Variants in VGLL3 observed in about 807,000 individuals in gnomAD.
VGLL3 encodes the protein transcription cofactor vestigial-like protein 3.
A neutral mutation model predicts 29.2 loss-of-function variants in VGLL3; 18 were observed. The ratio of observed to expected loss-of-function variants is 0.62; its 90% CI spans 0.43 to 0.91. The LOEUF (loss-of-function observed/expected upper bound fraction) is 0.91. Ranked by LOEUF, VGLL3 falls within the 40% of genes least tolerant of loss-of-function variation. The pLI, the probability that VGLL3 is intolerant of heterozygous loss-of-function variation, is 0.00. For missense variants in VGLL3, 440 were observed against 413.2 expected, an observed-to-expected ratio of 1.06 and a Z score of -0.56; for synonymous variants, 180 against 151.8, an observed-to-expected ratio of 1.19 and a Z score of -1.36.
At chr3:86,982,543 G>A (rs6762893) in intron 1 of VGLL3, among the ~76,000 whole-genome samples, 13,197 of 151,422 alleles carry the variant, frequency 0.087, 1,553 homozygotes, top group African/African-American at 0.27. Flanking sequence ...AAATTTTCCT[G>A]GTGTTACATT....
intron 1 of VGLL3, among the ~76,000 whole-genome samples, chr3:86,980,628 G>A (rs1247651478): frequency 6.6e-6 from 1 of 152,072 alleles, no homozygotes; most frequent in African/African-American, 2.4e-5. Context: ...CATATGGTAT[G>A]TGTAAAATGA....
chr3:86,953,854 G>A (rs1704662978), intron 3 of VGLL3, among the ~76,000 whole-genome samples: 1 of 152,048 alleles, frequency 6.6e-6, no homozygotes, highest in Non-Finnish European at 1.5e-5. Flanking sequence ...TTGCTAGTTT[G>A]ATGACTTCTC....
At position 86,941,447 on chromosome 3, in the gene VGLL3, TTG is replaced by T. The variant is rs2106943112; in HGVS notation, c.*5575_*5576del. Reference sequence around the variant, plus strand: ...TATGCCAAATTTAGTAGTCTAGAAATTGTTTTTTTTTTTAAAAAAACAAATTG... The same window carrying T: ...TATGCCAAATTTAGTAGTCTAGAAATTTTTTTTTTTTAAAAAAACAAATTG... On this transcript the variant is annotated 3_prime_UTR_variant, in exon 4 of 4. Transcript: ENST00000398399. 3 of 152,228 alleles carry T rather than the reference TTG, an allele frequency of 2.0e-5. No homozygotes were observed. The highest frequency in any genetic ancestry group is 7.2e-5 in the African/African-American group (3 of 41,500). 9.4% of individuals were successfully genotyped at this position (152,228 alleles called of 1,614,324 possible). A position where few individuals can be genotyped will look rare whatever the true frequency, so the allele number is the denominator to read the frequency against.
chr3:86,987,437 A>G (rs933301554), intron 1 of VGLL3, among the ~76,000 whole-genome samples: 4 of 152,180 alleles, frequency 2.6e-5, no homozygotes, highest in Non-Finnish European at 5.9e-5. Context: ...TATGAAGCCC[A>G]AAGTGTGATT....
intron 3 of VGLL3, among the ~76,000 whole-genome samples, chr3:86,949,842 A>C (rs1043147646): frequency 8.6e-5 from 13 of 150,824 alleles, no homozygotes; most frequent in Non-Finnish European, 1.6e-4. Context: ...AAAAAAAAAA[A>C]GAAAAGAAAA....
At chr3:86,958,052 C>A (rs1205801934) in intron 3 of VGLL3, among the ~76,000 whole-genome samples, 1 of 151,952 alleles carries the variant, frequency 6.6e-6, no homozygotes, top group Non-Finnish European at 1.5e-5. Flanking sequence ...TATTATTTTC[C>A]AAAAAAGACA....
Position 86,968,713 on chromosome 3 carries a change from T to C in VGLL3, c.814A>G (p.Ile272Val). The part of the protein sequence containing the change: ...LLMPSVHAAR[I>V]PAPQCDITKT... ...GTGATGTCACACTGGGGAGCAGGAA[T>C]CCTGGCCGCATGCACTGAAGGCATC... The change falls in exon 3 of 4, where the codon ATT becomes GTT. Residue 272 changes from isoleucine to valine, a missense_variant. Ile to Val is a conservative substitution (Grantham distance 29). Coordinates refer to ENST00000398399, the MANE Select transcript of VGLL3 (RefSeq NM_016206.4). The C allele has an allele frequency of 1.2e-6, 2 of 1,614,132 alleles. No homozygotes were observed. Among genetic ancestry groups the C allele is most frequent in the Non-Finnish European group, 1.7e-6 (2 of 1,180,030 alleles).
rs1049407720 is a variant in VGLL3 at position 86,940,364 on chromosome 3, T to C, written c.*6660A>G. 1.3e-5 allele frequency: 2 copies of C among 152,670 alleles called. No individual in the cohort carries two copies. Among genetic ancestry groups the C allele is most frequent in the Non-Finnish European group, 2.9e-5 (2 of 68,038 alleles). The allele number at this position is 152,670 out of a possible 1,614,324, so 9.5% of individuals were successfully genotyped here. The stretch of plus-strand genomic sequence containing the variant: ...CAATATCCTTAGAAGCATTGTATTA[T>C]AAAATTCTCAAGACTCTTGCTGTTA... On this transcript the variant is annotated 3_prime_UTR_variant, in exon 4 of 4. Transcript: ENST00000398399.
chr3:86,973,452 G>C (rs1236918120), intron 2 of VGLL3, among the ~76,000 whole-genome samples: 3 of 152,178 alleles, frequency 2.0e-5, no homozygotes. Context: ...TGGGTCAGAA[G>C]TGAAATGACA....
chr3:86,960,673 C>T (rs1046528269), intron 3 of VGLL3, among the ~76,000 whole-genome samples: 1 of 152,074 alleles, frequency 6.6e-6, no homozygotes, highest in African/African-American at 2.4e-5. Flanking sequence ...CTGTGACACA[C>T]AGTCTTGATT....
At chr3:86,973,779 C>T (rs773115956) in intron 2 of VGLL3, among the ~76,000 whole-genome samples, 7 of 152,078 alleles carry the variant, frequency 4.6e-5, no homozygotes, top group Non-Finnish European at 8.8e-5. Context: ...GAGCTTTTTC[C>T]CATGAGAATG....
intron 1 of VGLL3, chr3:86,990,248 A>C: frequency 1.1e-6 from 1 of 950,704 alleles, no homozygotes; most frequent in South Asian, 4.9e-5. Flanking sequence ...ACCCTGAAAC[A>C]TTCCATCTTT....
chr3:86,990,880 G>C lies in VGLL3; in HGVS notation c.-137C>G, dbSNP rs1705572124. On this transcript the variant is annotated 5_prime_UTR_variant, in exon 1 of 4. Coordinates refer to ENST00000398399, the MANE Select transcript of VGLL3 (RefSeq NM_016206.4). The stretch of plus-strand genomic sequence containing the variant: ...GCTACTGCGGCGAAGGCGGGTCCTC[G>C]GCGGCCTCGGGCTCCGCGCGGGGCG... 2 of 1,139,168 alleles carry C rather than the reference G, an allele frequency of 1.8e-6. No individual in the cohort carries two copies. Among genetic ancestry groups the C allele is most frequent in the Non-Finnish European group, 2.2e-6 (2 of 921,866 alleles). 70.6% of individuals were successfully genotyped at this position (1,139,168 alleles called of 1,614,324 possible). A position where few individuals can be genotyped will look rare whatever the true frequency, so the allele number is the denominator to read the frequency against.
chr3:86,972,824 C>A (rs756381157), intron 2 of VGLL3, among the ~76,000 whole-genome samples: 172 of 152,046 alleles, frequency 1.1e-3, no homozygotes, highest in South Asian at 4.1e-4. Context: ...ATACAAAATG[C>A]CCAACTGTAA....
chr3:86,977,593 G>C (rs951559534), intron 2 of VGLL3, among the ~76,000 whole-genome samples: 1 of 152,192 alleles, frequency 6.6e-6, no homozygotes, highest in Non-Finnish European at 1.5e-5. Context: ...CTGCACTGGA[G>C]TCACTGGGAG....
At chr3:86,989,313 A>AT (rs1014226642) in intron 1 of VGLL3, among the ~76,000 whole-genome samples, 5 of 151,926 alleles carry the variant, frequency 3.3e-5, no homozygotes, top group East Asian at 1.9e-4. Context: ...GCTGCTGAAT[A>AT]TTTTTTTTAA....
intron 3 of VGLL3, among the ~76,000 whole-genome samples, chr3:86,966,246 G>C (rs1166079648): frequency 1.3e-5 from 2 of 152,026 alleles, no homozygotes. Context: ...TAACAAGGAA[G>C]GTGTCTACGG....
chr3:86,940,538 A>G lies in VGLL3; in HGVS notation c.*6486T>C, dbSNP rs1704372916. ...AGATGTTGTAATTTCCAAAATATTT[A>G]TAAGATGCTTAATTGAATAAGGAGG... is the stretch of plus-strand genomic sequence containing the variant. On this transcript the variant is annotated 3_prime_UTR_variant, in exon 4 of 4. Transcript: ENST00000398399. 6.6e-6 allele frequency: 1 copy of G among 152,598 alleles called. No homozygotes were observed. Among genetic ancestry groups the G allele is most frequent in the African/African-American group, 2.4e-5 (1 of 41,470 alleles). 9.5% of individuals were successfully genotyped at this position (152,598 alleles called of 1,614,324 possible).
intron 3 of VGLL3, among the ~76,000 whole-genome samples, chr3:86,954,879 C>T (rs1208528271): frequency 1.4e-5 from 2 of 144,136 alleles, no homozygotes; most frequent in African/African-American, 5.7e-5. Context: ...AGGCTTTCTC[C>T]CAGAACTGGA....
Sources: allele counts gnomAD v4.1 joint callset (sites outside exome capture counted in the v4.1 genomes callset), GRCh38; gene constraint gnomAD v4.1.1; transcripts MANE v1.5; gene names NCBI Gene and HGNC (gene_info 2026-07-23, HGNC 2026-07-21).